The following OR4D10 variants were observed in gnomAD, a reference collection of about 807,000 sequenced individuals.
OR4D10 encodes the protein olfactory receptor 4D10.
For missense variants in OR4D10, 395 were observed against 378.0 expected (o/e 1.04, Z -0.37); for synonymous variants, 188 against 153.2 (o/e 1.23, Z -1.68).
intron 2 of OR4D10, among the ~76,000 whole-genome samples, chr11:59,476,775 G>A (rs946099606): frequency 6.6e-6 from 1 of 152,024 alleles, no homozygotes; most frequent in Non-Finnish European, 1.5e-5. Context: ...AATGCTCCAA[G>A]CTCCCCAATC....
At position 59,477,738 on chromosome 11, in the gene OR4D10, A is replaced by T; in HGVS notation, c.309A>T (p.Leu103=). The T allele has an allele frequency of 6.2e-7, 1 of 1,614,160 alleles. No homozygotes were observed. The highest frequency in any genetic ancestry group is 8.5e-7 in the Non-Finnish European group (1 of 1,180,006). Residue 103 remains leucine, a synonymous_variant, in exon 3 of 3, where the codon CTA becomes CTT. Transcript: ENST00000530162. ...ATCATTGCTTCACTCAGATGTTTCT[A>T]TTCCACCTTATTGGAGGGGTGGATG... ...SFNHCFTQMF[L]FHLIGGVDVF...
Position 59,478,258 on chromosome 11 carries a change from G to C in OR4D10, c.829G>C (p.Val277Leu), listed in dbSNP as rs1319828324. The change falls in exon 3 of 3, where the codon GTC becomes CTC. Residue 277 changes from valine to leucine, a missense_variant. Val to Leu is a conservative substitution (Grantham distance 32). Transcript: ENST00000530162. ...TAAGGCCATCTCTGTCACCTTCACT[G>C]TCATCTCCCCTCTGCTCAACCCCTT... ...MDKAISVTFT[V>L]ISPLLNPLIY... is the part of the protein sequence containing the mutation. The C allele has an allele frequency of 2.6e-6, 4 of 1,551,454 alleles. No individual in the cohort carries two copies. The highest frequency in any genetic ancestry group is 2.4e-5 in the South Asian group (2 of 81,644).
chr11:59,477,182 A>G (rs1341168183), intron 2 of OR4D10, 80 bp from the exon 3 acceptor site: 1 of 391,908 alleles, frequency 2.6e-6, no homozygotes, highest in Non-Finnish European at 4.5e-6. Flanking sequence ...ACTACTTAAC[A>G]TATTTTCTTT....
chr11:59,474,111 C>G (rs10792244), intron 2 of OR4D10, among the ~76,000 whole-genome samples: 124,726 of 152,176 alleles, frequency 0.82, 53,146 homozygotes, highest in Middle Eastern at 0.95. Flanking sequence ...CTTTCTTCAC[C>G]CAACAAAGAT....
chr11:59,474,910 A>C (rs1317077946), intron 2 of OR4D10, among the ~76,000 whole-genome samples: 1 of 151,496 alleles, frequency 6.6e-6, no homozygotes, highest in Non-Finnish European at 1.5e-5. Flanking sequence ...CAAAAAAAAA[A>C]ATTAGCCGGG....
chr11:59,476,976 A>T (rs1858915009), intron 2 of OR4D10, among the ~76,000 whole-genome samples: 1 of 152,192 alleles, frequency 6.6e-6, no homozygotes, highest in Non-Finnish European at 1.5e-5. Flanking sequence ...ACATTAAAAA[A>T]AAAACCTGGT....
Position 59,477,660 on chromosome 11 carries a change from A to G in OR4D10, c.231A>G (p.Thr77=), listed in dbSNP as rs1858923047. The G allele has an allele frequency of 6.2e-7, 1 of 1,614,114 alleles. No homozygotes were observed. The highest frequency in any genetic ancestry group is 1.7e-5 in the Admixed American group (1 of 60,012). Residue 77 remains threonine, a synonymous_variant, in exon 3 of 3, where the codon ACA becomes ACG. Coordinates refer to ENST00000530162, the MANE Select transcript of OR4D10 (RefSeq NM_001004705.2). Reference sequence around the variant, plus strand: ...CCGATATCTGCTTCTCTTCCATCACAGTGCCCAAGGTTCTGGTGGACCTTC... The same window carrying G: ...CCGATATCTGCTTCTCTTCCATCACGGTGCCCAAGGTTCTGGTGGACCTTC... The part of the protein sequence containing the change: ...SIADICFSSI[T]VPKVLVDLLS...
chr11:59,477,071 T>C (rs1328188127), intron 2 of OR4D10, among the ~76,000 whole-genome samples, 191 bp from the exon 3 acceptor site: 4 of 152,134 alleles, frequency 2.6e-5, no homozygotes, highest in Middle Eastern at 3.2e-3. Context: ...AAGATTTCCT[T>C]AAAGCAGAAT....
chr11:59,477,584 A>C lies in OR4D10; in HGVS notation c.155A>C (p.Glu52Ala), dbSNP rs1291623932. ...CTCATCATGGTCACTGTTACCTGTG[A>C]ATCTCGCCTTCACACGCCCATGTAT... ...NLLIMVTVTCESRLHTPMYFL... is the reference protein window; with the variant it reads ...NLLIMVTVTCASRLHTPMYFL... The change falls in exon 3 of 3, where the codon GAA (glutamate) becomes GCA (alanine). Residue 52 changes from glutamate to alanine, a missense_variant. Coordinates refer to ENST00000530162, the MANE Select transcript of OR4D10 (RefSeq NM_001004705.2). 6.2e-7 allele frequency: 1 copy of C among 1,614,148 alleles called. No individual in the cohort carries two copies. The highest frequency in any genetic ancestry group is 2.2e-5 in the East Asian group (1 of 44,882).
In OR4D10 at chr11:59,473,426, T is replaced by C. The variant is rs1329269234; in HGVS notation, c.-439T>C. The C allele has an allele frequency of 3.9e-5, 6 of 152,202 alleles. No homozygotes were observed. Among genetic ancestry groups the C allele is most frequent in the Non-Finnish European group, 8.8e-5 (6 of 68,032 alleles). The allele number at this position is 152,202 out of a possible 1,614,324, so 9.4% of individuals were successfully genotyped here. On this transcript the variant is annotated 5_prime_UTR_variant, in exon 1 of 3. Transcript: ENST00000530162. ...AGCATGAGCCTCAGAGGTTTGAACATAAGTCAAGGACACAATGGAAAAACT... is the reference window on the plus strand; with the variant it reads ...AGCATGAGCCTCAGAGGTTTGAACACAAGTCAAGGACACAATGGAAAAACT...
At position 59,477,726 on chromosome 11, in the gene OR4D10, T is replaced by G. The variant is rs767048401; in HGVS notation, c.297T>G (p.Thr99=). The G allele has an allele frequency of 2.5e-6, 4 of 1,614,076 alleles. No homozygotes were observed. The East Asian group carries it at 8.9e-5, about 36-fold the overall frequency. The part of the protein sequence containing the change: ...RKTISFNHCF[T]QMFLFHLIGG... ...CCATCTCCTTCAATCATTGCTTCAC[T>G]CAGATGTTTCTATTCCACCTTATTG... Residue 99 remains threonine, a synonymous_variant, in exon 3 of 3, where the codon ACT becomes ACG. Coordinates refer to ENST00000530162, the MANE Select transcript of OR4D10 (RefSeq NM_001004705.2).
chr11:59,477,058 GA>G (rs2134559562), intron 2 of OR4D10, among the ~76,000 whole-genome samples: 1 of 152,110 alleles, frequency 6.6e-6, no homozygotes, highest in South Asian at 2.1e-4. Flanking sequence ...AAGAAAAGAT[GA>G]AAAGATTTCC....
chr11:59,474,778 C>T (rs1191777901), intron 2 of OR4D10, among the ~76,000 whole-genome samples: 1 of 151,952 alleles, frequency 6.6e-6, no homozygotes, highest in Non-Finnish European at 1.5e-5. Flanking sequence ...TCCAAGGGAC[C>T]GGGCGCAGAG....
intron 2 of OR4D10, 116 bp downstream of exon 2, chr11:59,473,909 G>C (rs1470109067): frequency 3.9e-5 from 6 of 152,224 alleles, no homozygotes; most frequent in Non-Finnish European, 5.9e-5. Context: ...AGTTGCTTAT[G>C]TGTGAGGCCA....
chr11:59,475,331 T>C (rs1858892360), intron 2 of OR4D10, among the ~76,000 whole-genome samples: 1 of 152,180 alleles, frequency 6.6e-6, no homozygotes, highest in African/African-American at 2.4e-5. Flanking sequence ...CAATGTTCTC[T>C]GTATAAGCAT....
At position 59,477,874 on chromosome 11, in the gene OR4D10, T is replaced by C; in HGVS notation, c.445T>C (p.Trp149Arg). ...DHCIGLTVAA[W>R]LGGFVHSIVQ... The stretch of plus-strand genomic sequence containing the variant: ...TTGCATTGGGCTCACAGTGGCTGCC[T>C]GGTTGGGGGGCTTTGTCCACTCCAT... Residue 149 changes from tryptophan (W) to arginine (R), a missense_variant, in exon 3 of 3, where the codon TGG (tryptophan) becomes CGG (arginine). By Grantham distance (101) the Trp-to-Arg change is moderately radical. Coordinates refer to ENST00000530162, the MANE Select transcript of OR4D10 (RefSeq NM_001004705.2). The C allele has an allele frequency of 3.7e-6, 6 of 1,614,166 alleles. No individual in the cohort carries two copies. The highest frequency in any genetic ancestry group is 5.1e-6 in the Non-Finnish European group (6 of 1,180,022).
intron 2 of OR4D10, among the ~76,000 whole-genome samples, chr11:59,474,921 C>T (rs974169275): frequency 1.3e-5 from 2 of 151,332 alleles, no homozygotes; most frequent in Admixed American, 6.6e-5. Context: ...ATTAGCCGGG[C>T]GTGGTGGCGT....
rs1197558490 is a variant in OR4D10, at chr11:59,477,891, C to T, written c.462C>T (p.Val154=). 6.2e-7 allele frequency: 1 copy of T among 1,614,056 alleles called. No individual in the cohort carries two copies. The highest frequency in any genetic ancestry group is 8.5e-7 in the Non-Finnish European group (1 of 1,180,012). ...TGGCTGCCTGGTTGGGGGGCTTTGT[C>T]CACTCCATCGTGCAGATTTCCCTGT... is the stretch of plus-strand genomic sequence containing the variant. The part of the protein sequence containing the change: ...LTVAAWLGGF[V]HSIVQISLLL... The change falls in exon 3 of 3, where the codon GTC becomes GTT. Residue 154 remains valine (V), a synonymous_variant. Coordinates refer to ENST00000530162, the MANE Select transcript of OR4D10 (RefSeq NM_001004705.2).
chr11:59,477,826 G>C lies in OR4D10; in HGVS notation c.397G>C (p.Ala133Pro), dbSNP rs752056381. The C allele has an allele frequency of 6.2e-7, 1 of 1,614,082 alleles. No individual in the cohort carries two copies. The highest frequency in any genetic ancestry group is 8.5e-7 in the Non-Finnish European group (1 of 1,180,024). The change falls in exon 3 of 3, where the codon GCG becomes CCG. Residue 133 changes from alanine (A) to proline (P), a missense_variant. Transcript: ENST00000530162. ...GGCCATCTCCAAGCCCCTGCACTAT[G>C]CGACTATCATGAGTAGAGACCATTG... is the stretch of plus-strand genomic sequence containing the variant. ...YVAISKPLHY[A>P]TIMSRDHCIG...
Sources: allele counts gnomAD v4.1 joint callset (sites outside exome capture counted in the v4.1 genomes callset), GRCh38; gene constraint gnomAD v4.1.1; transcripts MANE v1.5; gene names NCBI Gene and HGNC (gene_info 2026-07-23, HGNC 2026-07-21).